FHIT: variants seen among roughly 807,000 people sequenced by gnomAD.
FHIT encodes bis(5'-adenosyl)-triphosphatase.
A neutral mutation model predicts 17.9 loss-of-function variants in FHIT; 19 were observed. That is an observed-to-expected ratio of 1.06 (90% CI 0.74 to 1.56). FHIT has a LOEUF of 1.56. FHIT is among the 40% of genes most tolerant of loss of function. The pLI is 0.00. For missense variants in FHIT, 248 were observed against 189.2 expected (o/e 1.31, Z -1.82); for synonymous variants, 81 against 69.7 (o/e 1.16, Z -0.81).
chr3:60,242,978 G>A (rs1006247191), intron 5 of FHIT, among the ~76,000 whole-genome samples: 1 of 151,574 alleles, frequency 6.6e-6, no homozygotes, highest in Non-Finnish European at 1.5e-5. Context: ...TACTTGAATT[G>A]ATAGGCACAT....
chr3:60,273,122 A>T (rs1459156039), intron 5 of FHIT, among the ~76,000 whole-genome samples: 3 of 152,360 alleles, frequency 2.0e-5, no homozygotes, highest in Admixed American at 1.3e-4. Flanking sequence ...ATGGTGAGAA[A>T]TAATTTGCTT....
At chr3:60,616,548 A>T (rs1388843361) in intron 4 of FHIT, among the ~76,000 whole-genome samples, 1 of 152,212 alleles carries the variant, frequency 6.6e-6, no homozygotes, top group Non-Finnish European at 1.5e-5. Context: ...AGCAATGAAC[A>T]ATTGGGACTT....
intron 5 of FHIT, among the ~76,000 whole-genome samples, chr3:60,420,042 GTCTAGACAAT>G (rs1440067755): frequency 6.6e-6 from 1 of 152,130 alleles, no homozygotes; most frequent in African/African-American, 2.4e-5. Context: ...GGGTCAAGGG[GTCTAGACAAT>G]TCTGAATCTT....
intron 3 of FHIT, among the ~76,000 whole-genome samples, chr3:60,896,995 G>C (rs1411584511): frequency 6.6e-6 from 1 of 152,054 alleles, no homozygotes; most frequent in Non-Finnish European, 1.5e-5. Flanking sequence ...AAAATAATCA[G>C]ACACATAGAT....
chr3:60,848,537 A>G (rs1210533279), intron 3 of FHIT, among the ~76,000 whole-genome samples: 3 of 152,126 alleles, frequency 2.0e-5, no homozygotes, highest in Non-Finnish European at 4.4e-5. Flanking sequence ...CAGTGTTTTC[A>G]GAAAATTGGA....
intron 5 of FHIT, among the ~76,000 whole-genome samples, chr3:60,095,369 T>G (rs1703902675): frequency 6.6e-6 from 1 of 152,212 alleles, no homozygotes; most frequent in Non-Finnish European, 1.5e-5. Context: ...CTATTTATTC[T>G]AAGTGCTTTT....
chr3:60,391,552 G>C (rs993651403), intron 5 of FHIT, among the ~76,000 whole-genome samples: 1 of 152,130 alleles, frequency 6.6e-6, no homozygotes, highest in Non-Finnish European at 1.5e-5. Flanking sequence ...CCCTGTACAG[G>C]TCTACCATTT....
intron 5 of FHIT, among the ~76,000 whole-genome samples, chr3:60,483,310 T>TC (rs2033695783): frequency 6.6e-6 from 1 of 152,132 alleles, no homozygotes; most frequent in Admixed American, 6.5e-5. Context: ...AAGCAGGGAC[T>TC]CCTCCCTAAG....
intron 7 of FHIT, among the ~76,000 whole-genome samples, chr3:59,997,639 T>C (rs1699568326): frequency 6.6e-6 from 1 of 152,184 alleles, no homozygotes; most frequent in African/African-American, 2.4e-5. Flanking sequence ...TGTTGGTTAT[T>C]CTGTTTAAAG....
At chr3:60,880,804 G>C (rs893626496) in intron 3 of FHIT, among the ~76,000 whole-genome samples, 1 of 152,022 alleles carries the variant, frequency 6.6e-6, no homozygotes, top group East Asian at 1.9e-4. Context: ...AAAGAGAAAA[G>C]AAGCAAAACT....
At chr3:61,012,306 T>C (rs1399536738) in intron 3 of FHIT, among the ~76,000 whole-genome samples, 3 of 152,146 alleles carry the variant, frequency 2.0e-5, no homozygotes, top group Non-Finnish European at 4.4e-5. Flanking sequence ...ATTGAATATC[T>C]TGAGTGACTG....
chr3:60,248,742 G>T (rs2107586946), intron 5 of FHIT, among the ~76,000 whole-genome samples: 1 of 152,200 alleles, frequency 6.6e-6, no homozygotes, highest in Admixed American at 6.5e-5. Context: ...TGCCACTTTA[G>T]CATAAGGATT....
chr3:60,714,302 C>G (rs1553706044), intron 4 of FHIT, among the ~76,000 whole-genome samples: 2 of 152,090 alleles, frequency 1.3e-5, no homozygotes, highest in South Asian at 4.2e-4. Context: ...TAAGAGCTAT[C>G]TATGACAAAC....
At chr3:60,822,187 A>G (rs1701953730) in intron 3 of FHIT, among the ~76,000 whole-genome samples, 176 bp from the exon 4 acceptor site, 1 of 152,218 alleles carries the variant, frequency 6.6e-6, no homozygotes, top group South Asian at 2.1e-4. Flanking sequence ...TAATCTGTAC[A>G]TTGGAGACTG....
intron 5 of FHIT, among the ~76,000 whole-genome samples, chr3:60,153,364 G>GAAAA (rs71089587): frequency 3.2e-4 from 34 of 106,442 alleles, no homozygotes; most frequent in Non-Finnish European, 3.6e-4. Context: ...CAATTCACCA[G>GAAAA]AAAAAAAAAA....
At chr3:59,767,794 A>AGAGAT (rs1701876865) in intron 8 of FHIT, among the ~76,000 whole-genome samples, 1 of 152,212 alleles carries the variant, frequency 6.6e-6, no homozygotes, top group African/African-American at 2.4e-5. Flanking sequence ...GTTAAGGCTT[A>AGAGAT]GAGATGTGAT....
chr3:61,171,162 G>A (rs1306641927), intron 2 of FHIT, among the ~76,000 whole-genome samples: 1 of 152,112 alleles, frequency 6.6e-6, no homozygotes, highest in Non-Finnish European at 1.5e-5. Flanking sequence ...GGTGTGAGAT[G>A]GTATCTCATT....
intron 5 of FHIT, among the ~76,000 whole-genome samples, chr3:60,055,556 A>G (rs1702048373): frequency 6.6e-6 from 1 of 152,074 alleles, no homozygotes; most frequent in Non-Finnish European, 1.5e-5. Flanking sequence ...CACTTGCACC[A>G]AGAAAAACTG....
At chr3:60,118,987 C>G (rs1390444819) in intron 5 of FHIT, among the ~76,000 whole-genome samples, 7 of 151,364 alleles carry the variant, frequency 4.6e-5, no homozygotes, top group Non-Finnish European at 8.8e-5. Flanking sequence ...TGCCACTGCA[C>G]TCCAGCCTGG....
Sources: gnomAD v4.1 joint callset for allele counts (sites outside exome capture counted in the v4.1 genomes callset) on GRCh38, gnomAD v4.1.1 for gene constraint, MANE v1.5 for transcripts, NCBI Gene and HGNC (gene_info 2026-07-23, HGNC 2026-07-21) for gene names.